Variants in GHR observed in about 807,000 individuals in gnomAD.
The protein encoded by GHR is GH receptor.
GHR carries 35 observed loss-of-function variants against 67.1 expected under a neutral mutation model. The observed-to-expected ratio is 0.52, with a 90% confidence interval of 0.40 to 0.69. The LOEUF is 0.69. GHR is among the 30% of genes least tolerant of loss of function. The pLI, the probability that GHR is intolerant of heterozygous loss-of-function variation, is 0.00. For missense variants in GHR, 792 were observed against 764.6 expected (o/e 1.04, Z -0.42); for synonymous variants, 272 against 269.1 (o/e 1.01, Z -0.10).
At chr5:42,669,961 A>G (rs1756190550) in intron 3 of GHR, among the ~76,000 whole-genome samples, 1 of 152,206 alleles carries the variant, frequency 6.6e-6, no homozygotes, top group African/African-American at 2.4e-5. Context: ...AAAGCAATCT[A>G]TAGATTCAAT....
At chr5:42,688,474 G>T (rs1245829552) in intron 3 of GHR, among the ~76,000 whole-genome samples, 1 of 152,090 alleles carries the variant, frequency 6.6e-6, no homozygotes, top group Non-Finnish European at 1.5e-5. Flanking sequence ...GAGGGATTGG[G>T]CCCCATTAGC....
chr5:42,466,423 A>G (rs1744736756), intron 1 of GHR, among the ~76,000 whole-genome samples: 1 of 152,220 alleles, frequency 6.6e-6, no homozygotes, highest in African/African-American at 2.4e-5. Flanking sequence ...TCATAAGTGA[A>G]TTGTTGAATT....
intron 2 of GHR, among the ~76,000 whole-genome samples, chr5:42,617,396 A>G (rs116768783): frequency 0.37 from 53,767 of 145,706 alleles, 10,207 homozygotes; most frequent in Non-Finnish European, 0.44. Context: ...ACACACACAC[A>G]CACACACACA....
At chr5:42,640,260 A>C (rs1231217953) in intron 3 of GHR, among the ~76,000 whole-genome samples, 1 of 152,082 alleles carries the variant, frequency 6.6e-6, no homozygotes, top group Non-Finnish European at 1.5e-5. Context: ...GGGAACCATG[A>C]GTTGTCTCTT....
At chr5:42,567,767 C>CTGTG (rs68150223) in intron 2 of GHR, among the ~76,000 whole-genome samples, 2,025 of 140,770 alleles carry the variant, frequency 0.014, 21 homozygotes, top group East Asian at 0.033. Flanking sequence ...ATGCTTGGCT[C>CTGTG]TGTGTGTGTG....
chr5:42,650,094 C>T (rs546899616), intron 3 of GHR, among the ~76,000 whole-genome samples: 11 of 152,084 alleles, frequency 7.2e-5, no homozygotes, highest in African/African-American at 2.2e-4. Context: ...AGGGAAGGGT[C>T]GTGGGTGACG....
In GHR at chr5:42,528,727, T is replaced by C. The variant is rs576350048; in HGVS notation, c.-11-37137T>C. 8.7e-4 allele frequency among the ~76,000 whole-genome samples: 133 copies of C among 152,286 alleles called. 3 individuals are homozygous for C. The South Asian group carries it at 0.027, about 31-fold the overall frequency. On this transcript the variant is annotated intron_variant, in intron 1 of 9. Coordinates refer to ENST00000230882, the MANE Select transcript of GHR (RefSeq NM_000163.5). The stretch of plus-strand genomic sequence containing the variant: ...GTATCACATGCTACACAGAAATCTT[T>C]TATGAAAGGAAGAATCAATCAGTGT...
chr5:42,573,155 T>C (rs892526395), intron 2 of GHR, among the ~76,000 whole-genome samples: 1 of 152,230 alleles, frequency 6.6e-6, no homozygotes, highest in Admixed American at 6.5e-5. Context: ...GTTCAATGAA[T>C]AAGTGAATCA....
chr5:42,465,318 TGAAAATAAATCTTTA>T, intron 1 of GHR: 6 of 721,540 alleles, frequency 8.3e-6, no homozygotes, highest in Middle Eastern at 4.1e-4. Context: ...TTTTTTTGCA[TGAAAATAAATCTTTA>T]TTTTCAGTTA....
intron 1 of GHR, chr5:42,514,153 A>T (rs572090681): frequency 1.0e-6 from 1 of 984,956 alleles, no homozygotes; most frequent in Admixed American, 6.1e-5. Context: ...TGCTGAATTC[A>T]CTGGGCGCAT....
chr5:42,594,999 T>TCTAAA (rs1751991604), intron 2 of GHR, among the ~76,000 whole-genome samples: 2 of 152,170 alleles, frequency 1.3e-5, no homozygotes, highest in Non-Finnish European at 2.9e-5. Context: ...TACATATTCA[T>TCTAAA]GACACAGTCC....
chr5:42,534,011 T>C (rs1748095735), intron 1 of GHR, among the ~76,000 whole-genome samples: 1 of 151,458 alleles, frequency 6.6e-6, no homozygotes, highest in South Asian at 2.1e-4. Context: ...TTCATTCCTT[T>C]CTATGGTTGA....
chr5:42,683,570 A>G (rs1756990533), intron 3 of GHR, among the ~76,000 whole-genome samples: 1 of 152,230 alleles, frequency 6.6e-6, no homozygotes, highest in African/African-American at 2.4e-5. Context: ...GAGAGAAGAC[A>G]GGAATCATTG....
chr5:42,513,915 T>A (rs997429301), intron 1 of GHR, among the ~76,000 whole-genome samples: 4 of 152,222 alleles, frequency 2.6e-5, no homozygotes, highest in African/African-American at 9.6e-5. Flanking sequence ...ATTAGTTGAC[T>A]GCAAACATTA....
intron 3 of GHR, among the ~76,000 whole-genome samples, chr5:42,664,164 C>T (rs1174723673): frequency 1.3e-5 from 2 of 152,202 alleles, no homozygotes; most frequent in African/African-American, 4.8e-5. Context: ...AATGGCCATA[C>T]TGTCCAAGGT....
At chr5:42,577,116 G>A (rs1237708081) in intron 2 of GHR, among the ~76,000 whole-genome samples, 1 of 152,196 alleles carries the variant, frequency 6.6e-6, no homozygotes, top group African/African-American at 2.4e-5. Flanking sequence ...GTTAAAACGT[G>A]GGTGTGCAGG....
intron 3 of GHR, among the ~76,000 whole-genome samples, chr5:42,681,951 A>AG (rs1217408946): frequency 6.6e-6 from 1 of 151,498 alleles, no homozygotes; most frequent in Non-Finnish European, 1.5e-5. Context: ...AAAAAAAAAA[A>AG]AAAAAGACAT....
At chr5:42,653,947 G>T (rs1755129249) in intron 3 of GHR, among the ~76,000 whole-genome samples, 2 of 152,148 alleles carry the variant, frequency 1.3e-5, no homozygotes, top group African/African-American at 2.4e-5. Flanking sequence ...CCCCAGTGTT[G>T]TAAGAGTTAT....
At chr5:42,486,753 A>G (rs866807137) in intron 1 of GHR, among the ~76,000 whole-genome samples, 1 of 151,816 alleles carries the variant, frequency 6.6e-6, no homozygotes, top group Non-Finnish European at 1.5e-5. Context: ...AGGCTGAGGC[A>G]GGAGAATGGT....
Sources: gnomAD v4.1 joint callset for allele counts (sites outside exome capture counted in the v4.1 genomes callset) on GRCh38, gnomAD v4.1.1 for gene constraint, MANE v1.5 for transcripts, NCBI Gene and HGNC (gene_info 2026-07-23, HGNC 2026-07-21) for gene names.